PRLR: variants seen among roughly 807,000 people sequenced by gnomAD.
The protein encoded by PRLR is hPRL receptor.
A neutral mutation model predicts 40.2 loss-of-function variants in PRLR; 13 were observed. That is an observed-to-expected ratio of 0.32 (90% CI 0.21 to 0.51). The LOEUF is 0.51. PRLR is among the 20% of genes least tolerant of loss of function. The probability of loss-of-function intolerance (pLI) is 0.97; values close to 1 mark genes in which losing one functional copy is unlikely to be tolerated. For synonymous variants in PRLR, 269 were observed against 278.7 expected (o/e 0.97, Z 0.35); for missense variants, 656 against 747.3 (o/e 0.88, Z 1.42).
intron 6 of PRLR, 145 bp from the exon 7 acceptor site, chr5:35,070,410 T>C (rs1769674571): frequency 1.1e-6 from 1 of 890,498 alleles, no homozygotes; most frequent in African/African-American, 1.7e-5. Context: ...CTTAGCCCTA[T>C]CTTTTCCTTC....
At chr5:35,180,327 G>T (rs1775260276) in intron 1 of PRLR, among the ~76,000 whole-genome samples, 2 of 152,106 alleles carry the variant, frequency 1.3e-5, no homozygotes, top group Admixed American at 1.3e-4. Context: ...GGGGACCTTG[G>T]TTTAGCACCA....
At chr5:35,150,848 C>G (rs745666274) in intron 1 of PRLR, among the ~76,000 whole-genome samples, 1 of 152,132 alleles carries the variant, frequency 6.6e-6, no homozygotes. Flanking sequence ...AATGACAAAG[C>G]ATCTGAAATT....
intron 1 of PRLR, among the ~76,000 whole-genome samples, chr5:35,182,261 G>A (rs971220054): frequency 6.6e-6 from 1 of 152,178 alleles, no homozygotes; most frequent in Non-Finnish European, 1.5e-5. Flanking sequence ...CCAGAGTTAG[G>A]TGGCCAAATA....
intron 7 of PRLR, 37 bp from the exon 8 acceptor site, chr5:35,068,915 C>T (rs768235166): frequency 2.5e-5 from 37 of 1,470,402 alleles, no homozygotes; most frequent in Non-Finnish European, 3.2e-5. Flanking sequence ...TGATCACGTA[C>T]AGCATCATTA....
chr5:35,228,873 A>T (rs1776620040), intron 1 of PRLR, among the ~76,000 whole-genome samples: 1 of 151,974 alleles, frequency 6.6e-6, no homozygotes, highest in South Asian at 2.1e-4. Flanking sequence ...CAGGAGGAGG[A>T]ATAAGGGATT....
intron 1 of PRLR, among the ~76,000 whole-genome samples, chr5:35,131,165 G>A (rs1345284810): frequency 6.6e-6 from 1 of 152,162 alleles, no homozygotes; most frequent in Non-Finnish European, 1.5e-5. Context: ...CACCTTTTCT[G>A]CAACTTCTTA....
chr5:35,208,177 GCA>G lies in PRLR; in HGVS notation c.-106+22089_-106+22090del, dbSNP rs1281536944. On this transcript the variant is annotated intron_variant, in intron 1 of 9. Transcript: ENST00000618457. The stretch of plus-strand genomic sequence containing the variant: ...TGCTCCTTCACACACCCACGCGCGC[GCA>G]CACACACACACACACACACACACAC... 3.3e-3 allele frequency among the ~76,000 whole-genome samples: 285 copies of G among 87,210 alleles called. 4 individuals are homozygous for G. The highest frequency in any genetic ancestry group is 0.024 in the South Asian group (52 of 2,200). The allele number at this position is 87,210 out of a possible 152,430, so 57.2% of individuals were successfully genotyped here.
Position 35,084,565 on chromosome 5 carries a change from G to A in PRLR, c.278C>T (p.Thr93Ile). ...CATGATGTATGTCCTCCACATGGAG[G>A]TGTACTGCTTGCCAAAGTGGCAGGA... ...PNSCHFGKQY[T>I]SMWRTYIMMV... The change falls in exon 5 of 10, where the codon ACC (threonine) becomes ATC (isoleucine). Residue 93 changes from threonine (T) to isoleucine (I), a missense_variant. Around this residue, in one of 3 missense-constraint regions of PRLR, gnomAD observed 180 missense variants for 236.8 expected, o/e 0.76. Coordinates refer to ENST00000618457, the MANE Select transcript of PRLR (RefSeq NM_000949.7). 6.2e-7 allele frequency: 1 copy of A among 1,609,634 alleles called. No individual in the cohort carries two copies. Among genetic ancestry groups the A allele is most frequent in the Non-Finnish European group, 8.5e-7 (1 of 1,178,542 alleles).
At chr5:35,221,484 T>C (rs1776418587) in intron 1 of PRLR, among the ~76,000 whole-genome samples, 1 of 152,310 alleles carries the variant, frequency 6.6e-6, no homozygotes. Context: ...ATGATGAAAT[T>C]GCTACTCAAC....
Position 35,062,007 on chromosome 5 carries a change from C to T in PRLR, c.*3082G>A, listed in dbSNP as rs1296930310. 1 of 152,052 alleles carries T rather than the reference C, an allele frequency of 6.6e-6. No homozygotes were observed. Among genetic ancestry groups the T allele is most frequent in the Non-Finnish European group, 1.5e-5 (1 of 68,022 alleles). The allele number at this position is 152,052 out of a possible 1,614,324, so 9.4% of individuals were successfully genotyped here. A position where few individuals can be genotyped will look rare whatever the true frequency, so the allele number is the denominator to read the frequency against. On this transcript the variant is annotated 3_prime_UTR_variant, in exon 10 of 10. Coordinates refer to ENST00000618457, the MANE Select transcript of PRLR (RefSeq NM_000949.7). Reference sequence around the variant, plus strand: ...ATCTCCTGCCTCTTTTTTTAAATGCCTCTTTCTACACATATATTTGCACAT... The same window carrying T: ...ATCTCCTGCCTCTTTTTTTAAATGCTTCTTTCTACACATATATTTGCACAT...
intron 1 of PRLR, among the ~76,000 whole-genome samples, chr5:35,133,659 G>A (rs1341508700): frequency 1.3e-5 from 2 of 152,180 alleles, no homozygotes; most frequent in East Asian, 3.9e-4. Flanking sequence ...CCATCAATAA[G>A]TTGTGTTTCA....
intron 1 of PRLR, among the ~76,000 whole-genome samples, chr5:35,193,835 C>A (rs1370340367): frequency 6.6e-6 from 1 of 152,166 alleles, no homozygotes; most frequent in East Asian, 1.9e-4. Flanking sequence ...AATTCTGATG[C>A]CTTGTGATTG....
intron 1 of PRLR, among the ~76,000 whole-genome samples, chr5:35,125,084 T>G (rs186493104): frequency 1.3e-5 from 2 of 152,260 alleles, no homozygotes; most frequent in Admixed American, 6.5e-5. Flanking sequence ...TACTGATAAT[T>G]TAAAAAGAAG....
intron 1 of PRLR, among the ~76,000 whole-genome samples, chr5:35,186,642 G>T (rs1337096090): frequency 6.6e-6 from 1 of 152,152 alleles, no homozygotes; most frequent in African/African-American, 2.4e-5. Context: ...AAGATAATGG[G>T]GCAAAGGAGA....
rs1776382709 is a variant in PRLR at position 35,220,265 on chromosome 5, C to T, written c.-106+10003G>A. ...CCTCCTTGCTCTTTTCCCACCTTTCCCTCATTGCTTCTTACCTCGGGTCCA... is the reference window on the plus strand; with the variant it reads ...CCTCCTTGCTCTTTTCCCACCTTTCTCTCATTGCTTCTTACCTCGGGTCCA... On this transcript the variant is annotated intron_variant, in intron 1 of 9. Transcript: ENST00000618457. Among the ~76,000 whole-genome samples, 4 of 152,296 alleles carry T rather than the reference C, an allele frequency of 2.6e-5. No homozygotes were observed. The South Asian group carries it at 8.3e-4, about 32-fold the overall frequency.
chr5:35,053,036 C>T (rs541382533), downstream of PRLR, among the ~76,000 whole-genome samples: 23 of 152,278 alleles, frequency 1.5e-4, no homozygotes, highest in South Asian at 3.9e-3. Flanking sequence ...AGTGAACCCT[C>T]GGAGGGCAAA....
At chr5:35,107,593 A>G (rs560123375) in intron 2 of PRLR, among the ~76,000 whole-genome samples, 9 of 152,326 alleles carry the variant, frequency 5.9e-5, no homozygotes, top group African/African-American at 2.2e-4. Flanking sequence ...AAATACTATA[A>G]AAACCTCTAT....
At chr5:35,118,159 A>T (rs1000100177) in intron 1 of PRLR, 37 bp from the exon 2 acceptor site, 3 of 953,718 alleles carry the variant, frequency 3.1e-6, no homozygotes, top group Non-Finnish European at 3.7e-6. Context: ...CTCCAAGATG[A>T]CAAAACGGGA....
In PRLR at chr5:35,169,302, C is replaced by A. The variant is rs906155505; in HGVS notation, c.-105-51180G>T. 5.9e-5 allele frequency among the ~76,000 whole-genome samples: 9 copies of A among 152,088 alleles called. No individual in the cohort carries two copies. The East Asian group carries it at 1.7e-3, about 29-fold the overall frequency. On this transcript the variant is annotated intron_variant, in intron 1 of 9. Coordinates refer to ENST00000618457, the MANE Select transcript of PRLR (RefSeq NM_000949.7). ...CCTTATTTTATGAGATATTCAAGTT[C>A]TTTCTTATTGGTTTATCAGTAAGGC...
Sources: gnomAD v4.1 joint callset for allele counts (sites outside exome capture counted in the v4.1 genomes callset) on GRCh38, gnomAD v4.1.1 for gene constraint, gnomAD v4.1.1 regional missense constraint, MANE v1.5 for transcripts, NCBI Gene and HGNC (gene_info 2026-07-23, HGNC 2026-07-21) for gene names.